The following DMC1 variants were observed in gnomAD, a reference collection of about 807,000 sequenced individuals.
The protein encoded by DMC1 is meiotic recombination protein DMC1 homolog.
A neutral mutation model predicts 50.1 loss-of-function variants in DMC1; 27 were observed. That is an observed-to-expected ratio of 0.54 (90% CI 0.40 to 0.74). DMC1 has a LOEUF of 0.74. Ranked by LOEUF, DMC1 falls within the 30% of genes least tolerant of loss-of-function variation. DMC1 has a pLI of 0.00. For missense variants in DMC1, 295 were observed against 420.2 expected (o/e 0.70, Z 2.60); for synonymous variants, 148 against 136.1 (o/e 1.09, Z -0.61).
intron 7 of DMC1, among the ~76,000 whole-genome samples, chr22:38,552,166 T>A (rs549925277): frequency 6.6e-6 from 1 of 152,272 alleles, no homozygotes; most frequent in Non-Finnish European, 1.5e-5. Flanking sequence ...CGGCCAGAAC[T>A]CCTTTCTTAA....
chr22:38,524,462 A>G (rs1203844078), intron 12 of DMC1, among the ~76,000 whole-genome samples: 1 of 152,044 alleles, frequency 6.6e-6, no homozygotes, highest in East Asian at 1.9e-4. Flanking sequence ...ACTAATAAAT[A>G]AAAAAGAAAA....
At chr22:38,567,471 T>C in intron 3 of DMC1, 112 bp downstream of exon 3, 3 of 893,182 alleles carry the variant, frequency 3.4e-6, no homozygotes, top group Non-Finnish European at 5.7e-6. Context: ...CACCCTACAA[T>C]GCACAGGACG....
chr22:38,531,836 C>T (rs561503121), intron 12 of DMC1, among the ~76,000 whole-genome samples: 24 of 152,224 alleles, frequency 1.6e-4, no homozygotes, highest in South Asian at 4.1e-4. Flanking sequence ...ATTCCAACTC[C>T]CTCTTCAATT....
At chr22:38,539,523 C>T (rs1340561854) in intron 8 of DMC1, 111 bp from the exon 9 acceptor site, 3 of 843,958 alleles carry the variant, frequency 3.6e-6, no homozygotes. Flanking sequence ...AACAATGTAC[C>T]TGTGAAGGTA....
In DMC1 at chr22:38,539,385, A is replaced by G. The variant is rs2090255222; in HGVS notation, c.522T>C (p.Ala174=). ...CATCATGGTCTACATTAAAGCGATC[A>G]GCAATGTCCCTAAGGCGATCTGGAC... ...TFRPDRLRDI[A]DRFNVDHDAV... The change falls in exon 9 of 14, where the codon GCT becomes GCC. Residue 174 remains alanine, a synonymous_variant. Coordinates refer to ENST00000216024, the MANE Select transcript of DMC1 (RefSeq NM_007068.4). The G allele has an allele frequency of 6.2e-7, 1 of 1,614,078 alleles. No individual in the cohort carries two copies. Among genetic ancestry groups the G allele is most frequent in the Non-Finnish European group, 8.5e-7 (1 of 1,179,946 alleles).
At chr22:38,549,691 G>T in intron 8 of DMC1, 1 of 465,740 alleles carries the variant, frequency 2.1e-6, no homozygotes, top group Non-Finnish European at 3.9e-6. Flanking sequence ...TAAAAATGAT[G>T]ATATAATTTC....
intron 13 of DMC1, among the ~76,000 whole-genome samples, chr22:38,520,372 A>ATT (rs58563189): frequency 2.0e-4 from 30 of 147,346 alleles, no homozygotes; most frequent in African/African-American, 6.7e-4. Context: ...ATTTATTTTA[A>ATT]TTTTTTTTTT....
intron 4 of DMC1, among the ~76,000 whole-genome samples, chr22:38,566,134 C>T (rs1602780274): frequency 6.6e-6 from 1 of 151,904 alleles, no homozygotes. Flanking sequence ...ATTAGCTGGG[C>T]GTGGTGCTGT....
intron 5 of DMC1, among the ~76,000 whole-genome samples, chr22:38,555,840 T>A (rs961430847): frequency 6.6e-6 from 1 of 151,818 alleles, no homozygotes; most frequent in African/African-American, 2.4e-5. Flanking sequence ...ATTATTATTT[T>A]TTTTTTTTCG....
rs761446936 is a variant in DMC1 at position 38,519,989 on chromosome 22, C to T, written c.*31G>A. 1 of 1,577,052 alleles carries T rather than the reference C, an allele frequency of 6.3e-7. No individual in the cohort carries two copies. Among genetic ancestry groups the T allele is most frequent in the African/African-American group, 1.3e-5 (1 of 74,292 alleles). Reference sequence around the variant, plus strand: ...TTCCATTTCTTCAGCTCCTAATAAGCACTAAGAAGCAATTTGCATCAATTC... The same window carrying T: ...TTCCATTTCTTCAGCTCCTAATAAGTACTAAGAAGCAATTTGCATCAATTC... On this transcript the variant is annotated 3_prime_UTR_variant, in exon 14 of 14. Transcript: ENST00000216024.
chr22:38,521,826 A>C, intron 12 of DMC1, 102 bp from the exon 13 acceptor site: 4 of 863,382 alleles, frequency 4.6e-6, no homozygotes, highest in Non-Finnish European at 7.9e-6. Flanking sequence ...CAGGAGTTGG[A>C]ATAAGTGTAT....
At chr22:38,547,170 G>C (rs1364865496) in intron 8 of DMC1, among the ~76,000 whole-genome samples, 1 of 151,134 alleles carries the variant, frequency 6.6e-6, no homozygotes, top group African/African-American at 2.5e-5. Flanking sequence ...CCAAGTAGCT[G>C]GGATTTATAG....
rs187341847 is a variant in DMC1 at position 38,553,573 on chromosome 22, C to T, written c.380-866G>A. On this transcript the variant is annotated intron_variant, in intron 6 of 13. Transcript: ENST00000216024. ...GTGCGGTGACTCACACCTGTAATCCCAGCACTTTGGGAGGATGAGATGAAT... is the reference window on the plus strand; with the variant it reads ...GTGCGGTGACTCACACCTGTAATCCTAGCACTTTGGGAGGATGAGATGAAT... 5.7e-4 allele frequency among the ~76,000 whole-genome samples: 86 copies of T among 151,768 alleles called. No individual in the cohort carries two copies. In the East Asian group the frequency reaches 0.016, roughly 29 times the overall value.
chr22:38,524,245 C>A (rs972423158), intron 12 of DMC1, among the ~76,000 whole-genome samples: 1 of 152,016 alleles, frequency 6.6e-6, no homozygotes, highest in African/African-American at 2.4e-5. Flanking sequence ...GAAACCTTGT[C>A]TCTACTAAAA....
chr22:38,512,854 C>T, the DMC1 span, among the ~76,000 whole-genome samples: 3 of 152,004 alleles, frequency 2.0e-5, no homozygotes, highest in South Asian at 2.1e-4. Context: ...GAGGCCAAGG[C>T]GGGTGGATCA....
chr22:38,520,123 A>G, intron 13 of DMC1, 34 bp from the exon 14 acceptor site: 3 of 1,551,018 alleles, frequency 1.9e-6, no homozygotes, highest in South Asian at 1.1e-5. Context: ...AGTTTATAAA[A>G]AGCTCTATTT....
chr22:38,520,122 A>ACTTTTAAACAG, intron 13 of DMC1, 33 bp from the exon 14 acceptor site: 1 of 1,556,044 alleles, frequency 6.4e-7, no homozygotes, highest in Non-Finnish European at 8.9e-7. Flanking sequence ...AAGTTTATAA[A>ACTTTTAAACAG]AAGCTCTATT....
chr22:38,555,820 A>AATT (rs1184153906), intron 5 of DMC1, among the ~76,000 whole-genome samples: 28 of 151,720 alleles, frequency 1.8e-4, no homozygotes, highest in African/African-American at 5.8e-4. Context: ...AGATCGTCTT[A>AATT]ATTATTATTA....
intron 7 of DMC1, among the ~76,000 whole-genome samples, chr22:38,550,557 C>A (rs1432864975): frequency 6.6e-6 from 1 of 150,812 alleles, no homozygotes; most frequent in African/African-American, 2.4e-5. Context: ...CGTGATCTGC[C>A]CACCTCGGCC....
Sources: gnomAD v4.1 joint callset for allele counts (sites outside exome capture counted in the v4.1 genomes callset) on GRCh38, gnomAD v4.1.1 for gene constraint, MANE v1.5 for transcripts, NCBI Gene and HGNC (gene_info 2026-07-23, HGNC 2026-07-21) for gene names.